The following NRXN1 variants were observed in gnomAD, a reference collection of about 807,000 sequenced individuals.
NRXN1 encodes the protein neurexin 1, also known as neurexin-1.
NRXN1 carries 39 observed loss-of-function variants against 150.9 expected under a neutral mutation model. The observed-to-expected ratio is 0.26, with a 90% CI of 0.20 to 0.34. The LOEUF is 0.34. NRXN1 is among the 10% of genes least tolerant of loss of function. The pLI is 1.00. For synonymous variants in NRXN1, 924 were observed against 757.0 expected (o/e 1.22, Z -3.62); for missense variants, 1,815 against 1,949.9 (o/e 0.93, Z 1.30).
chr2:50,423,693 G>A (rs1193535980), intron 17 of NRXN1, among the ~76,000 whole-genome samples: 1 of 152,044 alleles, frequency 6.6e-6, no homozygotes, highest in Admixed American at 6.6e-5. Flanking sequence ...TTCCATTCCT[G>A]TGTTGGAGGT....
chr2:49,925,507 G>GTCTT (rs1447429034), intron 22 of NRXN1, among the ~76,000 whole-genome samples: 2 of 151,792 alleles, frequency 1.3e-5, no homozygotes, highest in African/African-American at 4.8e-5. Flanking sequence ...ATGGTTAAAT[G>GTCTT]TCTTTTTATA....
At chr2:50,042,609 A>T (rs538987097) in intron 21 of NRXN1, among the ~76,000 whole-genome samples, 1 of 152,308 alleles carries the variant, frequency 6.6e-6, no homozygotes, top group African/African-American at 2.4e-5. Context: ...CATTTTATGC[A>T]TTCTGTGTTC....
At chr2:50,085,627 CA>C (rs1484317743) in intron 19 of NRXN1, among the ~76,000 whole-genome samples, 4 of 151,440 alleles carry the variant, frequency 2.6e-5, no homozygotes, top group African/African-American at 9.7e-5. Context: ...ATTATTGATT[CA>C]AAACTTTAGT....
rs1156790325 is a variant in NRXN1, at chr2:50,531,219, G to C, written c.2347+8C>G. On this transcript the variant is annotated splice_region_variant and intron_variant, in intron 11 of 22. Coordinates refer to ENST00000401669, the MANE Select transcript of NRXN1 (RefSeq NM_001330078.2). The stretch of plus-strand genomic sequence containing the variant: ...GTGTTAGTTCAATGGGGGAAGGCAG[G>C]TTGTTACCTAGATTGACCGTCAGTT... The C allele has an allele frequency of 6.2e-7, 1 of 1,609,466 alleles. No individual in the cohort carries two copies. Among genetic ancestry groups the C allele is most frequent in the Non-Finnish European group, 8.5e-7 (1 of 1,177,384 alleles).
At chr2:49,925,443 C>A (rs945115588) in intron 22 of NRXN1, among the ~76,000 whole-genome samples, 8 of 152,000 alleles carry the variant, frequency 5.3e-5, no homozygotes, top group African/African-American at 1.9e-4. Context: ...ACTGAGAAAT[C>A]TCTGATGAAA....
rs1048772030 is a variant in NRXN1, at chr2:50,738,638, T to A, written c.833-115023A>T. Among the ~76,000 whole-genome samples, 10 of 152,304 alleles carry A rather than the reference T, an allele frequency of 6.6e-5. 1 individual carries two copies. The highest frequency in any genetic ancestry group is 4.8e-5 in the African/African-American group (2 of 41,562). Reference sequence around the variant, plus strand: ...GCTTTTCTGAAATCTCCCACTTTTTTAAATTGGCAATCCGATAAAACCTTT... The same window carrying A: ...GCTTTTCTGAAATCTCCCACTTTTTAAAATTGGCAATCCGATAAAACCTTT... On this transcript the variant is annotated intron_variant, in intron 5 of 22. Coordinates refer to ENST00000401669, the MANE Select transcript of NRXN1 (RefSeq NM_001330078.2).
intron 17 of NRXN1, among the ~76,000 whole-genome samples, chr2:50,361,731 C>T (rs1037547612): frequency 6.6e-6 from 1 of 152,174 alleles, no homozygotes; most frequent in African/African-American, 2.4e-5. Flanking sequence ...AAGAGGCACT[C>T]CTCCCTAACT....
At position 49,981,230 on chromosome 2, in the gene NRXN1, T is replaced by C. The variant is rs950472810; in HGVS notation, c.4129-37439A>G. 2.0e-5 allele frequency among the ~76,000 whole-genome samples: 3 copies of C among 152,144 alleles called. 1 individual carries two copies. On this transcript the variant is annotated intron_variant, in intron 21 of 22. Transcript: ENST00000401669. ...AACCTCAAGACCCAAAGGATAAGGTTAATAAGGAACTGAATCTTTCAGGAC... is the reference window on the plus strand; with the variant it reads ...AACCTCAAGACCCAAAGGATAAGGTCAATAAGGAACTGAATCTTTCAGGAC...
intron 21 of NRXN1, among the ~76,000 whole-genome samples, chr2:50,028,666 A>G (rs899699399): frequency 1.3e-5 from 2 of 152,260 alleles, no homozygotes; most frequent in African/African-American, 4.8e-5. Context: ...GGTAGTCAGT[A>G]TGCAACAAAT....
At chr2:50,320,356 G>C (rs2075948782) in intron 17 of NRXN1, among the ~76,000 whole-genome samples, 1 of 119,166 alleles carries the variant, frequency 8.4e-6, no homozygotes, top group South Asian at 2.9e-4. Context: ...GGTTAGTCTG[G>C]GAGTAGGAAT....
chr2:50,122,162 T>C (rs1157506680), intron 18 of NRXN1, among the ~76,000 whole-genome samples: 1 of 152,222 alleles, frequency 6.6e-6, no homozygotes, highest in Non-Finnish European at 1.5e-5. Flanking sequence ...AAAATTCCAT[T>C]TGTTTACCAA....
At chr2:50,639,019 C>T (rs1405576428) in intron 5 of NRXN1, among the ~76,000 whole-genome samples, 1 of 151,920 alleles carries the variant, frequency 6.6e-6, no homozygotes, top group Non-Finnish European at 1.5e-5. Context: ...GTTCACCATC[C>T]AAACTTTGGA....
At chr2:50,490,466 A>T (rs1291541344) in intron 15 of NRXN1, among the ~76,000 whole-genome samples, 1 of 152,206 alleles carries the variant, frequency 6.6e-6, no homozygotes. Context: ...CCTAGCCAGT[A>T]GCAGCAGGGG....
At chr2:50,437,738 A>G (rs1483480663) in intron 17 of NRXN1, among the ~76,000 whole-genome samples, 1 of 152,064 alleles carries the variant, frequency 6.6e-6, no homozygotes, top group Non-Finnish European at 1.5e-5. Context: ...GTGAAAAGAC[A>G]AAAAGGGAAG....
At chr2:50,740,257 G>T (rs1390424228) in intron 5 of NRXN1, among the ~76,000 whole-genome samples, 6 of 152,156 alleles carry the variant, frequency 3.9e-5, no homozygotes, top group Non-Finnish European at 7.3e-5. Context: ...GCCTGTGACT[G>T]GCTCAGAAAA....
intron 8 of NRXN1, among the ~76,000 whole-genome samples, chr2:50,616,682 A>G (rs1679114721): frequency 6.6e-6 from 1 of 152,154 alleles, no homozygotes; most frequent in African/African-American, 2.4e-5. Context: ...TGTTTCCCCA[A>G]AGGAAGAAAG....
At chr2:50,675,629 T>C (rs1176740042) in intron 5 of NRXN1, among the ~76,000 whole-genome samples, 6 of 152,154 alleles carry the variant, frequency 3.9e-5, no homozygotes, top group East Asian at 1.9e-4. Context: ...AAACAATATA[T>C]ATCATCTCAG....
intron 2 of NRXN1, among the ~76,000 whole-genome samples, chr2:50,943,777 T>C (rs911506595): frequency 1.4e-5 from 2 of 143,784 alleles, no homozygotes; most frequent in African/African-American, 4.9e-5. Flanking sequence ...AAAAATGTAA[T>C]GTGAAATAAC....
chr2:50,020,689 C>T (rs1687430209), intron 21 of NRXN1, among the ~76,000 whole-genome samples: 2 of 152,242 alleles, frequency 1.3e-5, no homozygotes, highest in African/African-American at 4.8e-5. Flanking sequence ...CAGGATTAGC[C>T]AGGTAGAGCT....
Sources: gnomAD v4.1 joint callset for allele counts (sites outside exome capture counted in the v4.1 genomes callset) on GRCh38, gnomAD v4.1.1 for gene constraint, MANE v1.5 for transcripts, NCBI Gene and HGNC (gene_info 2026-07-23, HGNC 2026-07-21) for gene names.